The following TXNDC16 variants were observed in gnomAD, a reference collection of about 807,000 sequenced individuals.
TXNDC16 encodes the protein thioredoxin domain-containing protein 16.
Under a neutral mutation model 85.6 loss-of-function variants are expected in TXNDC16, and 74 were observed. The observed-to-expected ratio is 0.86, with a 90% CI of 0.72 to 1.05. The LOEUF (loss-of-function observed/expected upper bound fraction) is 1.05, where lower values mean the gene tolerates loss of function less well. TXNDC16 is among the 50% of genes least tolerant of loss of function. TXNDC16 has a pLI of 0.00. For missense variants in TXNDC16, 959 were observed against 947.0 expected, an observed-to-expected ratio of 1.01 and a Z score of -0.17; for synonymous variants, 335 against 326.5, an observed-to-expected ratio of 1.03 and a Z score of -0.28.
At chr14:52,547,609 G>A (rs10130650) in intron 1 of TXNDC16, among the ~76,000 whole-genome samples, 5,450 of 152,208 alleles carry the variant, frequency 0.036, 309 homozygotes, top group African/African-American at 0.12. Flanking sequence ...GATTTCAACC[G>A]TAGATTGCTA....
chr14:52,549,913 A>C (rs1428756711), intron 1 of TXNDC16, among the ~76,000 whole-genome samples: 1 of 152,198 alleles, frequency 6.6e-6, no homozygotes, highest in Non-Finnish European at 1.5e-5. Context: ...CTGGGATTAC[A>C]GGCGTGAGCC....
chr14:52,455,418 C>T lies in TXNDC16; in HGVS notation c.1748G>A (p.Arg583Lys). 6.2e-7 allele frequency: 1 copy of T among 1,613,954 alleles called. No individual in the cohort carries two copies. The change falls in exon 18 of 21, where the codon AGA becomes AAA. Residue 583 changes from arginine (R) to lysine (K), a missense_variant. Physicochemically the swap from Arg to Lys is conservative, Grantham distance 26. Transcript: ENST00000281741. Reference protein sequence around the residue: ...AASLPALLLARHTEGKIESIP... With the variant: ...AASLPALLLAKHTEGKIESIP... ...GCTCTCTATTTTGCCTTCTGTGTGT[C>T]TGGCAAGCAGCAGGGCTGGAAGACT...
At position 52,470,588 on chromosome 14, in the gene TXNDC16, T is replaced by C; in HGVS notation, c.1405A>G (p.Met469Val). 1 of 1,614,050 alleles carries C rather than the reference T, an allele frequency of 6.2e-7. No individual in the cohort carries two copies. Among genetic ancestry groups the C allele is most frequent in the South Asian group, 1.1e-5 (1 of 91,056 alleles). Residue 469 changes from methionine to valine, a missense_variant, in exon 15 of 21, where the codon ATG (methionine) becomes GTG (valine). Transcript: ENST00000281741. ...QNVTEFPIIKMYKKGENPVSY... is the reference protein window; with the variant it reads ...QNVTEFPIIKVYKKGENPVSY... ...ACTGGGTTCTCGCCTTTCTTGTACA[T>C]CTTTATGATAGGAAATTCAGTAACA...
intron 16 of TXNDC16, among the ~76,000 whole-genome samples, chr14:52,457,719 C>CA (rs2035566249): frequency 6.6e-6 from 1 of 152,146 alleles, no homozygotes; most frequent in Admixed American, 6.5e-5. Context: ...AATGTGTTTT[C>CA]ATTAGTTTTG....
intron 9 of TXNDC16, among the ~76,000 whole-genome samples, chr14:52,510,454 A>G (rs1206302346): frequency 2.6e-5 from 4 of 152,234 alleles, no homozygotes; most frequent in African/African-American, 9.7e-5. Flanking sequence ...TCTTTACTAT[A>G]AAGTAGTACA....
intron 9 of TXNDC16, among the ~76,000 whole-genome samples, chr14:52,506,022 GGAA>G (rs2140174950): frequency 6.6e-6 from 1 of 152,272 alleles, no homozygotes; most frequent in African/African-American, 2.4e-5. Flanking sequence ...GACTAAACCA[GGAA>G]GAAGTTGAAT....
chr14:52,456,945 T>C (rs2035548447), intron 17 of TXNDC16, 145 bp downstream of exon 17: 5 of 572,186 alleles, frequency 8.7e-6, no homozygotes, highest in Non-Finnish European at 1.5e-5. Flanking sequence ...TCCCAGGTAC[T>C]TTATTTCCTA....
At chr14:52,486,777 A>T (rs1052735887) in intron 12 of TXNDC16, among the ~76,000 whole-genome samples, 1 of 152,206 alleles carries the variant, frequency 6.6e-6, no homozygotes, top group Non-Finnish European at 1.5e-5. Context: ...TAAACAAAAA[A>T]GGCAAAGCTG....
At chr14:52,490,215 G>C (rs974026790) in intron 11 of TXNDC16, among the ~76,000 whole-genome samples, 176 bp downstream of exon 11, 1 of 152,004 alleles carries the variant, frequency 6.6e-6, no homozygotes, top group African/African-American at 2.4e-5. Context: ...CGTGAACATA[G>C]GATACAAACC....
chr14:52,495,017 T>C (rs961358066), intron 9 of TXNDC16, among the ~76,000 whole-genome samples: 4 of 152,250 alleles, frequency 2.6e-5, no homozygotes, highest in Non-Finnish European at 4.4e-5. Flanking sequence ...AATTCAGATT[T>C]GAGAATCCGT....
intron 9 of TXNDC16, among the ~76,000 whole-genome samples, chr14:52,500,592 G>A (rs562105374): frequency 6.6e-6 from 1 of 152,200 alleles, no homozygotes; most frequent in East Asian, 1.9e-4. Context: ...TGTGATGAGG[G>A]TAATCTTACA....
chr14:52,497,566 G>A (rs2036560105), intron 9 of TXNDC16, among the ~76,000 whole-genome samples: 1 of 152,166 alleles, frequency 6.6e-6, no homozygotes, highest in African/African-American at 2.4e-5. Context: ...TGAATATTAA[G>A]GCAAAAATCC....
chr14:52,490,815 G>A, intron 10 of TXNDC16, 24 bp downstream of exon 10: 1 of 1,595,648 alleles, frequency 6.3e-7, no homozygotes, highest in Non-Finnish European at 8.5e-7. Context: ...GCTAAATATA[G>A]TAAATATTCG....
rs71125107 is a variant in TXNDC16, at chr14:52,450,853, TTATATATATATATA to T, written c.1842+4457_1842+4470del. 5.1e-3 allele frequency among the ~76,000 whole-genome samples: 733 copies of T among 145,066 alleles called. 14 individuals are homozygous for T. The highest frequency in any genetic ancestry group is 0.041 in the Admixed American group (588 of 14,446). Reference sequence around the variant, plus strand: ...CAACAAGTGGATAAGAAAATGTGTTTTATATATATATATATATATATATATATACACACACACAC... The same window carrying T: ...CAACAAGTGGATAAGAAAATGTGTTTTATATATATATATACACACACACAC... On this transcript the variant is annotated intron_variant, in intron 18 of 20. Transcript: ENST00000281741.
chr14:52,525,471 C>T (rs1190061312), intron 6 of TXNDC16, among the ~76,000 whole-genome samples: 8 of 149,140 alleles, frequency 5.4e-5, no homozygotes, highest in Admixed American at 2.0e-4. Context: ...GTGGGCGGAT[C>T]ACAAGGTCAG....
At chr14:52,460,232 C>A (rs925450422) in intron 16 of TXNDC16, among the ~76,000 whole-genome samples, 1 of 152,030 alleles carries the variant, frequency 6.6e-6, no homozygotes, top group African/African-American at 2.4e-5. Flanking sequence ...AAAATTAGAT[C>A]TCTGCAAGGA....
chr14:52,519,776 G>C (rs1295240255), intron 6 of TXNDC16, among the ~76,000 whole-genome samples: 1 of 152,148 alleles, frequency 6.6e-6, no homozygotes, highest in African/African-American at 2.4e-5. Flanking sequence ...TTTCTTTGCT[G>C]GAAGCTATTC....
At chr14:52,459,757 T>C (rs2035612125) in intron 16 of TXNDC16, among the ~76,000 whole-genome samples, 1 of 152,180 alleles carries the variant, frequency 6.6e-6, no homozygotes, top group Non-Finnish European at 1.5e-5. Context: ...CAAGGTTAGT[T>C]CAACATATGC....
chr14:52,435,341 C>T (rs906980812), intron 20 of TXNDC16, among the ~76,000 whole-genome samples: 10 of 148,814 alleles, frequency 6.7e-5, no homozygotes, highest in Non-Finnish European at 1.3e-4. Flanking sequence ...TCCATGGGAA[C>T]TCTGTGTCAC....
Sources: gnomAD v4.1 joint callset for allele counts (sites outside exome capture counted in the v4.1 genomes callset) on GRCh38, gnomAD v4.1.1 for gene constraint, MANE v1.5 for transcripts, NCBI Gene and HGNC (gene_info 2026-07-23, HGNC 2026-07-21) for gene names.